Variants in BEND7 observed in about 807,000 individuals in gnomAD.
BEND7 encodes the protein BEN domain-containing protein 7.
A neutral mutation model predicts 50.9 loss-of-function variants in BEND7; 28 were observed. The observed-to-expected ratio is 0.55, with a 90% CI of 0.41 to 0.75. The LOEUF (loss-of-function observed/expected upper bound fraction) is 0.75. Among genes scored for constraint, BEND7 ranks in the 30% least tolerant of loss-of-function variants. The pLI is 0.00. For missense variants in BEND7, 477 were observed against 491.3 expected (o/e 0.97, Z 0.28); for synonymous variants, 170 against 183.9 (o/e 0.92, Z 0.61).
chr10:13,472,667 G>C (rs928327784), intron 6 of BEND7, among the ~76,000 whole-genome samples: 21 of 150,278 alleles, frequency 1.4e-4, no homozygotes, highest in African/African-American at 5.2e-4. Flanking sequence ...CATCATCACT[G>C]TTAGACTCAG....
downstream of BEND7, chr10:13,438,878 CTT>C (rs771860549): frequency 1.0e-4 from 35 of 348,792 alleles, no homozygotes; most frequent in Non-Finnish European, 1.7e-4. Flanking sequence ...TCCTCTCAAT[CTT>C]GGGTTCTGTG....
intron 6 of BEND7, among the ~76,000 whole-genome samples, chr10:13,460,357 T>C (rs17153307): frequency 0.069 from 10,541 of 152,242 alleles, 1,076 homozygotes; most frequent in African/African-American, 0.23. Context: ...CTAAGGGAAC[T>C]GAGTGACATT....
At chr10:13,462,039 C>T (rs893389818) in intron 6 of BEND7, among the ~76,000 whole-genome samples, 6 of 152,210 alleles carry the variant, frequency 3.9e-5, no homozygotes, top group Admixed American at 1.3e-4. Flanking sequence ...CAGGGTGAGA[C>T]ACCCCTTGTG....
chr10:13,455,209 T>TGA (rs1171239066), intron 6 of BEND7, among the ~76,000 whole-genome samples: 1 of 150,396 alleles, frequency 6.6e-6, no homozygotes, highest in Non-Finnish European at 1.5e-5. Context: ...AACAAAACAG[T>TGA]GAGAGAGAGA....
chr10:13,504,706 C>G (rs144114251), intron 2 of BEND7, among the ~76,000 whole-genome samples: 1 of 152,196 alleles, frequency 6.6e-6, no homozygotes, highest in East Asian at 1.9e-4. Context: ...CTTTCCAAGA[C>G]GCTGAATCCT....
intron 6 of BEND7, among the ~76,000 whole-genome samples, chr10:13,454,780 G>A (rs985717257): frequency 6.6e-6 from 1 of 152,198 alleles, no homozygotes; most frequent in African/African-American, 2.4e-5. Context: ...TGCAGACAAG[G>A]AGGCCAAGTG....
intron 4 of BEND7, among the ~76,000 whole-genome samples, chr10:13,494,785 C>A (rs1390174059): frequency 6.6e-6 from 1 of 152,242 alleles, no homozygotes; most frequent in Non-Finnish European, 1.5e-5. Context: ...TCTCTGGCAT[C>A]CAGATCTTAC....
At chr10:13,529,346 G>C (rs2079587126), upstream of BEND7, among the ~76,000 whole-genome samples, 1 of 151,698 alleles carries the variant, frequency 6.6e-6, no homozygotes, top group Non-Finnish European at 1.5e-5. Context: ...GGACCGCCCC[G>C]ACAACCACCT....
At chr10:13,453,577 C>T (rs1412481505) in intron 6 of BEND7, among the ~76,000 whole-genome samples, 1 of 152,122 alleles carries the variant, frequency 6.6e-6, no homozygotes, top group Non-Finnish European at 1.5e-5. Flanking sequence ...GCTAGTTGTA[C>T]TAAATGTGAC....
At chr10:13,503,339 C>T (rs1329762891) in intron 2 of BEND7, among the ~76,000 whole-genome samples, 2 of 152,168 alleles carry the variant, frequency 1.3e-5, no homozygotes, top group Non-Finnish European at 2.9e-5. Flanking sequence ...AGGAAGAGGG[C>T]AGAAGGCCAG....
Position 13,518,797 on chromosome 10 carries a change from T to C in BEND7, c.145+7341A>G, listed in dbSNP as rs570945915. ...ACTAAATGTCTCTAAAATCTCAATA[T>C]AGCAGTATACTTTACAATAAATCTT... On this transcript the variant is annotated intron_variant, in intron 2 of 8. Transcript: ENST00000466271. 3.9e-5 allele frequency among the ~76,000 whole-genome samples: 6 copies of C among 152,340 alleles called. No individual in the cohort carries two copies. The South Asian group carries it at 1.2e-3, about 32-fold the overall frequency.
intron 6 of BEND7, among the ~76,000 whole-genome samples, chr10:13,453,154 C>G (rs1838158504): frequency 6.6e-6 from 1 of 152,168 alleles, no homozygotes; most frequent in Non-Finnish European, 1.5e-5. Flanking sequence ...TCCAATTCTA[C>G]TTTAAGTCAA....
chr10:13,469,217 T>C (rs565370074), intron 6 of BEND7, among the ~76,000 whole-genome samples: 1 of 152,238 alleles, frequency 6.6e-6, no homozygotes, highest in South Asian at 2.1e-4. Context: ...AGAAATACTA[T>C]GAGCTGACCA....
chr10:13,446,605 TGGCTCTCA>T, intron 8 of BEND7: 1 of 152,628 alleles, frequency 6.6e-6, no homozygotes, highest in East Asian at 1.9e-4. Flanking sequence ...CCTGCCCCTC[TGGCTCTCA>T]GATATGAACC....
At chr10:13,474,669 C>T (rs536741907) in intron 6 of BEND7, among the ~76,000 whole-genome samples, 2 of 144,678 alleles carry the variant, frequency 1.4e-5, no homozygotes, top group South Asian at 2.2e-4. Context: ...TGTTGGACTC[C>T]GGTCGATATC....
At position 13,492,057 on chromosome 10, in the gene BEND7, C is replaced by T. The variant is rs376776342; in HGVS notation, c.837+554G>A. On this transcript the variant is annotated intron_variant, in intron 5 of 8. Transcript: ENST00000466271. ...GGATGTCATCCAACATTCTGGACTGCGGCAACATTCTGGCTGTGATATTAA... is the reference window on the plus strand; with the variant it reads ...GGATGTCATCCAACATTCTGGACTGTGGCAACATTCTGGCTGTGATATTAA... Among the ~76,000 whole-genome samples, 124 of 151,774 alleles carry T rather than the reference C, an allele frequency of 8.2e-4. 2 individuals carry two copies. The South Asian group carries it at 0.02, about 25-fold the overall frequency.
chr10:13,460,662 C>T (rs1840030032), intron 6 of BEND7, among the ~76,000 whole-genome samples: 1 of 152,244 alleles, frequency 6.6e-6, no homozygotes, highest in African/African-American at 2.4e-5. Context: ...CTTAGAGGCA[C>T]ATCACGGGAC....
intron 2 of BEND7, among the ~76,000 whole-genome samples, chr10:13,503,295 G>A (rs189289418): frequency 2.6e-4 from 40 of 152,318 alleles, no homozygotes; most frequent in Middle Eastern, 3.4e-3. Flanking sequence ...AAATCAGGAC[G>A]TCGGGGGACT....
rs115574538 is a variant in BEND7 at position 13,523,482 on chromosome 10, A to G, written c.145+2656T>C. On this transcript the variant is annotated intron_variant, in intron 2 of 8. Transcript: ENST00000466271. The stretch of plus-strand genomic sequence containing the variant: ...TAGAACATAAACTTTGATCTTATAG[A>G]TGCAGATACTATTAAAGGGAACACA... Among the ~76,000 whole-genome samples the G allele has an allele frequency of 2.1e-3, 313 of 152,348 alleles. 3 individuals carry two copies. Among genetic ancestry groups the G allele is most frequent in the African/African-American group, 7.2e-3 (300 of 41,586 alleles).
Sources: gnomAD v4.1 joint callset for allele counts (sites outside exome capture counted in the v4.1 genomes callset) on GRCh38, gnomAD v4.1.1 for gene constraint, MANE v1.5 for transcripts, NCBI Gene and HGNC (gene_info 2026-07-23, HGNC 2026-07-21) for gene names.